OR3A2: variants seen among roughly 807,000 people sequenced by gnomAD.
OR3A2 encodes olfactory receptor 3A2.
For synonymous variants in OR3A2, 126 were observed against 159.3 expected (o/e 0.79, Z 1.57); for missense variants, 318 against 392.8 (o/e 0.81, Z 1.61).
At chr17:3,330,054 T>G (rs1171921294) in intron 3 of OR3A2, among the ~76,000 whole-genome samples, 3 of 146,932 alleles carry the variant, frequency 2.0e-5, no homozygotes, top group Non-Finnish European at 4.4e-5. Context: ...AGTTCTAGCT[T>G]GATTGCACTG....
intron 3 of OR3A2, among the ~76,000 whole-genome samples, chr17:3,290,624 T>C (rs1362419644): frequency 1.3e-5 from 2 of 152,188 alleles, no homozygotes; most frequent in Non-Finnish European, 2.9e-5. Context: ...TTGCCAGGAA[T>C]GGGCAATGAG....
chr17:3,377,022 G>A (rs2170687), intron 2 of OR3A2, among the ~76,000 whole-genome samples: 23,050 of 152,202 alleles, frequency 0.15, 2,327 homozygotes, highest in African/African-American at 0.28. Context: ...GTGGGGATGT[G>A]GGTTTGGAGG....
intron 2 of OR3A2, among the ~76,000 whole-genome samples, chr17:3,364,126 T>A (rs767340153): frequency 6.6e-6 from 1 of 152,174 alleles, no homozygotes; most frequent in Admixed American, 6.5e-5. Flanking sequence ...ACAGACAAAG[T>A]GTTAGAATCA....
chr17:3,383,994 C>CAATATTTATTGAATAAATATTGTATACA (rs1567574772), intron 1 of OR3A2: 5 of 19,106 alleles, frequency 2.6e-4, no homozygotes, highest in African/African-American at 1.0e-3. Flanking sequence ...ATATTGTATA[C>CAATATTTATTGAATAAATATTGTATACA]AATATTTATT....
intron 2 of OR3A2, among the ~76,000 whole-genome samples, chr17:3,357,405 A>T (rs2049472554): frequency 6.6e-6 from 1 of 151,740 alleles, no homozygotes; most frequent in African/African-American, 2.4e-5. Flanking sequence ...ATGAAAATAA[A>T]AAGCCAGATG....
chr17:3,314,876 T>C (rs936512778), intron 3 of OR3A2, among the ~76,000 whole-genome samples: 1 of 152,180 alleles, frequency 6.6e-6, no homozygotes, highest in African/African-American at 2.4e-5. Flanking sequence ...ACAGTGTCTC[T>C]TGTTCTCATA....
chr17:3,315,434 A>G (rs1414420129), intron 3 of OR3A2, among the ~76,000 whole-genome samples: 1 of 152,082 alleles, frequency 6.6e-6, no homozygotes, highest in Non-Finnish European at 1.5e-5. Flanking sequence ...TCCTCTGATG[A>G]TTAGTGATGC....
intron 3 of OR3A2, chr17:3,292,661 A>T: frequency 4.7e-6 from 6 of 1,277,166 alleles, no homozygotes; most frequent in Non-Finnish European, 6.4e-6. Context: ...AAAGAAACAG[A>T]CCCCCTTCTA....
downstream of OR3A2, among the ~76,000 whole-genome samples, chr17:3,276,581 C>A (rs1211862524): frequency 1.3e-5 from 2 of 152,148 alleles, no homozygotes; most frequent in South Asian, 4.1e-4. Flanking sequence ...GACAGGCATG[C>A]ATGCATCCCT....
chr17:3,346,506 C>A (rs532090453), intron 2 of OR3A2, among the ~76,000 whole-genome samples: 5 of 152,256 alleles, frequency 3.3e-5, no homozygotes, highest in African/African-American at 1.2e-4. Context: ...GCCATCCCCT[C>A]CAGCATTTGT....
chr17:3,289,249 T>G (rs2150620369), upstream of OR3A2, among the ~76,000 whole-genome samples: 1 of 152,340 alleles, frequency 6.6e-6, no homozygotes, highest in African/African-American at 2.4e-5. Flanking sequence ...ACATGATGTA[T>G]TACATGGATA....
Position 3,340,827 on chromosome 17 carries a change from C to T in OR3A2, c.-178-4701G>A, listed in dbSNP as rs535917735. ...TCAATTCCTGGATATCCTTGTTAACCTTCTGTCTTGTTGATCTGTCTAATG... is the reference window on the plus strand; with the variant it reads ...TCAATTCCTGGATATCCTTGTTAACTTTCTGTCTTGTTGATCTGTCTAATG... On this transcript the variant is annotated intron_variant, in intron 2 of 4. Transcript: ENST00000573491. Among the ~76,000 whole-genome samples, 392 of 152,040 alleles carry T rather than the reference C, an allele frequency of 2.6e-3. 1 individual carries two copies. Among genetic ancestry groups the T allele is most frequent in the Middle Eastern group, 0.017 (5 of 294 alleles).
chr17:3,328,648 G>C, intron 3 of OR3A2, among the ~76,000 whole-genome samples: 1 of 149,306 alleles, frequency 6.7e-6, no homozygotes, highest in Non-Finnish European at 1.5e-5. Context: ...TTTTCAAAGG[G>C]AATGCTTCCA....
chr17:3,362,583 C>T (rs141220472), intron 2 of OR3A2, among the ~76,000 whole-genome samples: 1 of 151,598 alleles, frequency 6.6e-6, no homozygotes, highest in Non-Finnish European at 1.5e-5. Flanking sequence ...CTACACACTG[C>T]TTTAAATGTG....
chr17:3,291,149 T>A (rs1008506080), intron 3 of OR3A2: 3 of 153,056 alleles, frequency 2.0e-5, no homozygotes, highest in African/African-American at 7.2e-5. Context: ...TTGTTTTTGT[T>A]TCTTTTTGTT....
intron 2 of OR3A2, among the ~76,000 whole-genome samples, chr17:3,371,756 TC>T (rs1413007897): frequency 2.4e-5 from 3 of 122,620 alleles, no homozygotes; most frequent in Non-Finnish European, 3.4e-5. Context: ...ACTCCTCACT[TC>T]CCAGTAGGGG....
chr17:3,277,960 C>T (rs765362001), exon 2 of OR3A2: 27 of 1,584,720 alleles, frequency 1.7e-5, no homozygotes, highest in Non-Finnish European at 2.2e-5. Flanking sequence ...AGGAGGGACC[C>T]CATTACCTCT....
chr17:3,281,235 A>ATTT (rs58615412), intron 1 of OR3A2, among the ~76,000 whole-genome samples: 3 of 137,374 alleles, frequency 2.2e-5, no homozygotes, highest in South Asian at 2.4e-4. Flanking sequence ...AGGCATCAGG[A>ATTT]TTTTTTTTTT....
chr17:3,326,476 G>C (rs1597341414), intron 3 of OR3A2, among the ~76,000 whole-genome samples: 1 of 151,916 alleles, frequency 6.6e-6, no homozygotes, highest in East Asian at 1.9e-4. Flanking sequence ...AAATTGTGGA[G>C]ATTTCATTTT....
Sources: allele counts gnomAD v4.1 joint callset (sites outside exome capture counted in the v4.1 genomes callset), GRCh38; gene constraint gnomAD v4.1.1; transcripts MANE v1.5; gene names NCBI Gene and HGNC (gene_info 2026-07-23, HGNC 2026-07-21).